TGS1: variants seen among roughly 807,000 people sequenced by gnomAD.
TGS1 encodes trimethylguanosine synthase 1.
TGS1 carries 69 observed loss-of-function variants against 92.2 expected under a neutral mutation model. That is an observed-to-expected ratio of 0.75 (90% CI 0.62 to 0.91). The LOEUF is 0.91. Ranked by LOEUF, TGS1 falls within the 40% of genes least tolerant of loss-of-function variation. The pLI, the probability that TGS1 is intolerant of heterozygous loss-of-function variation, is 0.00. For missense variants in TGS1, 1,062 were observed against 1,001.2 expected (o/e 1.06, Z -0.82); for synonymous variants, 345 against 338.1 (o/e 1.02, Z -0.22).
intron 2 of TGS1, among the ~76,000 whole-genome samples, chr8:55,783,345 G>A (rs545436497): frequency 1.1e-4 from 17 of 152,270 alleles, no homozygotes; most frequent in Admixed American, 2.0e-4. Context: ...CTTGAACCCA[G>A]GAGGCAGAGT....
chr8:55,775,039 C>T (rs1026740527), intron 1 of TGS1, among the ~76,000 whole-genome samples: 6 of 152,162 alleles, frequency 3.9e-5, no homozygotes, highest in East Asian at 3.9e-4. Context: ...CACTTGAGCC[C>T]GGAAGTTGGA....
At chr8:55,782,070 T>A (rs1430004760) in intron 1 of TGS1, among the ~76,000 whole-genome samples, 4 of 152,208 alleles carry the variant, frequency 2.6e-5, no homozygotes, top group Admixed American at 2.6e-4. Context: ...TCTCCACTGT[T>A]ATTCACAACA....
At chr8:55,796,378 T>C (rs868259508) in intron 7 of TGS1, among the ~76,000 whole-genome samples, 1 of 152,120 alleles carries the variant, frequency 6.6e-6, no homozygotes, top group African/African-American at 2.4e-5. Flanking sequence ...TACAAAGTAC[T>C]AGTGTCTGAG....
intron 12 of TGS1, among the ~76,000 whole-genome samples, chr8:55,818,144 C>T (rs943365221): frequency 6.6e-5 from 10 of 152,216 alleles, no homozygotes; most frequent in South Asian, 2.1e-4. Flanking sequence ...AATATTAGCT[C>T]ACCATGAGAT....
At chr8:55,796,858 G>A (rs1162391567) in intron 7 of TGS1, among the ~76,000 whole-genome samples, 1 of 152,044 alleles carries the variant, frequency 6.6e-6, no homozygotes, top group African/African-American at 2.4e-5. Context: ...AGGCATGATG[G>A]CGGGTGCCTG....
intron 10 of TGS1, among the ~76,000 whole-genome samples, chr8:55,805,716 T>A (rs553563273): frequency 5.3e-5 from 8 of 151,636 alleles, no homozygotes; most frequent in Non-Finnish European, 7.4e-5. Context: ...TGAAACCCCG[T>A]CTACTAAAAT....
At chr8:55,784,868 G>A (rs185269912) in intron 2 of TGS1, among the ~76,000 whole-genome samples, 2 of 152,292 alleles carry the variant, frequency 1.3e-5, no homozygotes, top group Admixed American at 1.3e-4. Flanking sequence ...TACATGGCCT[G>A]TTCTGTCTTC....
intron 8 of TGS1, among the ~76,000 whole-genome samples, chr8:55,801,722 G>A (rs1230470672): frequency 6.7e-6 from 1 of 149,638 alleles, no homozygotes; most frequent in Non-Finnish European, 1.5e-5. Flanking sequence ...CCAAGTAGCT[G>A]GGATTACAGG....
intron 12 of TGS1, among the ~76,000 whole-genome samples, chr8:55,818,976 G>A (rs935889853): frequency 2.6e-5 from 4 of 152,066 alleles, no homozygotes; most frequent in Non-Finnish European, 4.4e-5. Flanking sequence ...ACAGAGCCTC[G>A]CTCTGTCCAC....
At position 55,792,759 on chromosome 8, in the gene TGS1, G is replaced by A; in HGVS notation, c.1342G>A (p.Gly448Arg). ...CTTTGATGACAGTGGTTCCCTTCTA[G>A]GATTCAAGTATGGCTCAGGACAAAA... ...SDFDDSGSLLGFKYGSGQKYG... is the reference protein window; with the variant it reads ...SDFDDSGSLLRFKYGSGQKYG... Residue 448 changes from glycine to arginine, a missense_variant, in exon 6 of 13, where the codon GGA becomes AGA. By Grantham distance (125) the Gly-to-Arg change is moderately radical. Transcript: ENST00000260129. 2 of 1,613,554 alleles carry A rather than the reference G, an allele frequency of 1.2e-6. No homozygotes were observed. Among genetic ancestry groups the A allele is most frequent in the Non-Finnish European group, 1.7e-6 (2 of 1,179,586 alleles).
At chr8:55,819,288 A>ATTT (rs201975270) in intron 12 of TGS1, among the ~76,000 whole-genome samples, 41 of 75,014 alleles carry the variant, frequency 5.5e-4, no homozygotes, top group African/African-American at 9.0e-4. Context: ...TGCCTGGGAG[A>ATTT]TTTTTTTTTT....
chr8:55,805,932 T>C (rs1192295331), intron 10 of TGS1, among the ~76,000 whole-genome samples: 1 of 148,130 alleles, frequency 6.8e-6, no homozygotes. Flanking sequence ...CGTGGTGGTG[T>C]GTGCCTATAG....
intron 1 of TGS1, among the ~76,000 whole-genome samples, chr8:55,778,479 T>C (rs1811463070): frequency 2.0e-5 from 3 of 152,190 alleles, no homozygotes; most frequent in Admixed American, 6.5e-5. Flanking sequence ...TTCGTGGAGA[T>C]AGAGGACTAT....
intron 4 of TGS1, 116 bp downstream of exon 4, chr8:55,787,176 A>T: frequency 1.5e-6 from 1 of 688,414 alleles, no homozygotes; most frequent in Non-Finnish European, 2.4e-6. Context: ...CATTTCATAT[A>T]ATAATGAAAT....
chr8:55,809,617 T>C lies in TGS1; in HGVS notation c.2144-1264T>C, dbSNP rs1237581001. Among the ~76,000 whole-genome samples the C allele has an allele frequency of 3.3e-5, 5 of 152,256 alleles. No homozygotes were observed. The East Asian group carries it at 9.6e-4, about 29-fold the overall frequency. ...GACTGCTGGCACATGCCACCCCACC[T>C]GGCTAATTTTTTGTGTTTTTGATAG... On this transcript the variant is annotated intron_variant, in intron 10 of 12. Transcript: ENST00000260129.
At position 55,802,486 on chromosome 8, in the gene TGS1, A is replaced by G; in HGVS notation, c.1879A>G (p.Lys627Glu). Residue 627 changes from lysine to glutamate, a missense_variant, in exon 9 of 13, where the codon AAG becomes GAG. Lys to Glu is a moderately conservative substitution (Grantham distance 56, BLOSUM62 1). Transcript: ENST00000260129. Reference protein sequence around the residue: ...AEVKKKKNKKKNKKVNGLPPE... With the variant: ...AEVKKKKNKKENKKVNGLPPE... ...AGTGAAAAAGAAGAAGAACAAGAAG[A>G]AGAACAAAAAGGTGAATGGTCTGCC... is the stretch of plus-strand genomic sequence containing the variant. 1 of 1,614,050 alleles carries G rather than the reference A, an allele frequency of 6.2e-7. No homozygotes were observed. The highest frequency in any genetic ancestry group is 8.5e-7 in the Non-Finnish European group (1 of 1,179,958).
At chr8:55,792,586 C>T (rs1482606824) in intron 5 of TGS1, 112 bp from the exon 6 acceptor site, 1 of 648,078 alleles carries the variant, frequency 1.5e-6, no homozygotes, top group Non-Finnish European at 2.7e-6. Flanking sequence ...CTATGGTTGA[C>T]TATGGTGTTG....
At chr8:55,777,465 T>G (rs1001534347) in intron 1 of TGS1, among the ~76,000 whole-genome samples, 3 of 152,144 alleles carry the variant, frequency 2.0e-5, no homozygotes, top group African/African-American at 7.2e-5. Flanking sequence ...GCCCCCTGAA[T>G]TTTGCCCATT....
chr8:55,776,530 T>G (rs1811407814), intron 1 of TGS1, among the ~76,000 whole-genome samples: 1 of 152,128 alleles, frequency 6.6e-6, no homozygotes. Flanking sequence ...CCACCCGCCT[T>G]GGCCTCCCAA....
Sources: gnomAD v4.1 joint callset for allele counts (sites outside exome capture counted in the v4.1 genomes callset) on GRCh38, gnomAD v4.1.1 for gene constraint, MANE v1.5 for transcripts, NCBI Gene and HGNC (gene_info 2026-07-23, HGNC 2026-07-21) for gene names.